The following NBPF8 variants were observed in gnomAD, a reference collection of about 807,000 sequenced individuals.
NBPF8 encodes the protein NBPF member 8.
upstream of NBPF8, among the ~76,000 whole-genome samples, chr1:120,435,999 G>C (rs1270364744): frequency 5.3e-5 from 8 of 152,232 alleles, no homozygotes; most frequent in East Asian, 1.2e-3. Context: ...GTACAGACAA[G>C]AGATAAACAG....
intron 10 of NBPF8, 147 bp from the exon 9 acceptor site, chr1:120,449,046 A>C: frequency 3.4e-6 from 2 of 582,598 alleles, no homozygotes; most frequent in Non-Finnish European, 5.9e-6. Context: ...AAAGGAGATC[A>C]AGACTGGAGA....
intron 3 of NBPF8, among the ~76,000 whole-genome samples, chr1:120,431,180 AATAG>A (rs1245525170): frequency 6.7e-6 from 1 of 148,512 alleles, no homozygotes; most frequent in Admixed American, 6.7e-5. Flanking sequence ...AGAATCCAGA[AATAG>A]ATACTCACAT....
At chr1:120,456,480 A>G (rs1456012980) in intron 16 of NBPF8, among the ~76,000 whole-genome samples, 1 of 117,226 alleles carries the variant, frequency 8.5e-6, no homozygotes, top group East Asian at 2.0e-4. Flanking sequence ...TAGGATAGTT[A>G]ACTCTTCTTG....
upstream of NBPF8, among the ~76,000 whole-genome samples, chr1:120,434,472 A>G (rs1661015075): frequency 6.8e-6 from 1 of 146,252 alleles, no homozygotes. Context: ...CTCGTCATTT[A>G]CATTAGGTAT....
chr1:120,454,586 A>C (rs1317124691), intron 15 of NBPF8, among the ~76,000 whole-genome samples: 1 of 152,026 alleles, frequency 6.6e-6, no homozygotes, highest in Admixed American at 6.6e-5. Context: ...CCCTGAAATC[A>C]GTACGGAAAC....
At chr1:120,465,093 C>T (rs1391887042) in intron 23 of NBPF8, among the ~76,000 whole-genome samples, 170 bp from the exon 22 acceptor site, 3 of 44,294 alleles carry the variant, frequency 6.8e-5, no homozygotes, top group Non-Finnish European at 1.4e-4. Flanking sequence ...GGAGAAAAAC[C>T]GAGGAATTTC....
chr1:120,431,368 AT>A (rs1660872305), upstream of NBPF8, among the ~76,000 whole-genome samples: 1 of 18,100 alleles, frequency 5.5e-5, no homozygotes, highest in Non-Finnish European at 1.1e-4. Context: ...GAATATATAT[AT>A]ATATATATAT....
chr1:120,465,862 A>G, intron 24 of NBPF8, 116 bp from the exon 23 acceptor site: 1 of 1,594,416 alleles, frequency 6.3e-7, no homozygotes, highest in Middle Eastern at 2.3e-4. Context: ...TACCTCATTA[A>G]TGGATCTGTC....
chr1:120,460,131 G>T (rs1661536644), intron 17 of NBPF8, among the ~76,000 whole-genome samples: 1 of 152,126 alleles, frequency 6.6e-6, no homozygotes, highest in African/African-American at 2.4e-5. Context: ...CTTCTGTGTA[G>T]AACCAAGTTT....
intron 21 of NBPF8, among the ~76,000 whole-genome samples, 197 bp downstream of exon 19, chr1:120,463,163 A>G (rs1449078646): frequency 2.0e-5 from 3 of 149,142 alleles, no homozygotes; most frequent in Non-Finnish European, 3.0e-5. Flanking sequence ...GCAAGGCTCT[A>G]TTCCTAGTCT....
At chr1:120,427,733 A>G (rs1660761308) in exon 3 of NBPF8, among the ~76,000 whole-genome samples, 1 of 129,194 alleles carries the variant, frequency 7.7e-6, no homozygotes, top group African/African-American at 3.0e-5. Flanking sequence ...GGTCAAACAA[A>G]ATAATATCAT....
chr1:120,417,005 G>A (rs1660452905), upstream of NBPF8, among the ~76,000 whole-genome samples: 1 of 119,828 alleles, frequency 8.3e-6, no homozygotes, highest in Non-Finnish European at 1.7e-5. Context: ...TCATTGATAT[G>A]CTTGGTTTTC....
At chr1:120,454,535 T>C (rs1365701114) in intron 15 of NBPF8, among the ~76,000 whole-genome samples, 1 of 152,106 alleles carries the variant, frequency 6.6e-6, no homozygotes, top group African/African-American at 2.4e-5. Flanking sequence ...TCAGCTTTCA[T>C]CTGGATCTCC....
rs1661337268 is a variant in NBPF8 at position 120,453,270 on chromosome 1, T to G, written n.2290-102T>G. On this transcript the variant is annotated intron_variant and non_coding_transcript_variant, in intron 13 of 24. Transcript: ENST00000583271. ...AACATGAGAGTTTTCAGTTGAACGG[T>G]GACCCATGCCTAGATGTTCATGTCT... The G allele has an allele frequency of 1.2e-5, 7 of 562,074 alleles. No individual in the cohort carries two copies. In the Admixed American group the frequency reaches 1.9e-4, roughly 15 times the overall value. 34.8% of individuals were successfully genotyped at this position (562,074 alleles called of 1,614,324 possible). A position where few individuals can be genotyped will look rare whatever the true frequency, so the allele number is the denominator to read the frequency against.
At chr1:120,450,030 C>G (rs587693726) in intron 11 of NBPF8, among the ~76,000 whole-genome samples, 3 of 152,060 alleles carry the variant, frequency 2.0e-5, no homozygotes, top group Non-Finnish European at 4.4e-5. Context: ...AGTTTGGGAC[C>G]AGCCTGGGCA....
At chr1:120,417,895 C>A (rs1464306459), upstream of NBPF8, among the ~76,000 whole-genome samples, 3 of 130,744 alleles carry the variant, frequency 2.3e-5, no homozygotes, top group African/African-American at 9.2e-5. Context: ...GCCACCCCAC[C>A]CGGCTGTGAT....
At chr1:120,428,692 T>C (rs1660788698) in intron 3 of NBPF8, among the ~76,000 whole-genome samples, 1 of 151,830 alleles carries the variant, frequency 6.6e-6, no homozygotes, top group Non-Finnish European at 1.5e-5. Flanking sequence ...GGTCTGTGGT[T>C]CTCTGTGAGC....
At chr1:120,432,302 C>G (rs1489812562), upstream of NBPF8, 1 of 102,532 alleles carries the variant, frequency 9.8e-6, no homozygotes, top group Middle Eastern at 4.2e-3. Flanking sequence ...GCTTTAAGGC[C>G]CAGGAAAAAC....
chr1:120,468,477 G>GTTTT (rs1422841565), downstream of NBPF8, among the ~76,000 whole-genome samples: 1 of 139,756 alleles, frequency 7.2e-6, no homozygotes, highest in Non-Finnish European at 1.5e-5. Context: ...TTTTTCTGGA[G>GTTTT]TTTTTAGGAG....
Sources: allele counts gnomAD v4.1 joint callset (sites outside exome capture counted in the v4.1 genomes callset), GRCh38; gene constraint gnomAD v4.1.1; transcripts MANE v1.5; gene names NCBI Gene and HGNC (gene_info 2026-07-23, HGNC 2026-07-21).